CCDC171: variants seen among roughly 807,000 people sequenced by gnomAD.
CCDC171 encodes coiled-coil domain containing 171.
A neutral mutation model predicts 168.2 loss-of-function variants in CCDC171; 177 were observed. The observed-to-expected ratio is 1.05, with a 90% CI of 0.93 to 1.19. The LOEUF (loss-of-function observed/expected upper bound fraction) is 1.19. CCDC171 is among the 50% of genes most tolerant of loss of function. The pLI, the probability that CCDC171 is intolerant of heterozygous loss-of-function variation, is 0.00. For synonymous variants in CCDC171, 687 were observed against 540.8 expected (o/e 1.27, Z -3.75); for missense variants, 1,991 against 1,539.0 (o/e 1.29, Z -4.91).
At chr9:15,982,767 C>T (rs772631564) in intron 3 of CCDC171, among the ~76,000 whole-genome samples, 1 of 152,054 alleles carries the variant, frequency 6.6e-6, no homozygotes, top group Middle Eastern at 3.2e-3. Flanking sequence ...ACTTAATTTT[C>T]CAGTTTAAGA....
At chr9:15,631,069 G>A (rs554676915) in intron 7 of CCDC171, among the ~76,000 whole-genome samples, 47 of 151,936 alleles carry the variant, frequency 3.1e-4, no homozygotes, top group Middle Eastern at 3.4e-3. Context: ...AGAGAAAGCC[G>A]GAAAGATCCA....
intron 3 of CCDC171, among the ~76,000 whole-genome samples, chr9:15,986,312 T>C (rs1831985157): frequency 6.6e-6 from 1 of 152,236 alleles, no homozygotes. Flanking sequence ...TGTGAGTTCC[T>C]GAATTGATTC....
chr9:15,582,927 AT>A (rs1158460365), intron 4 of CCDC171, among the ~76,000 whole-genome samples: 2 of 149,850 alleles, frequency 1.3e-5, no homozygotes, highest in African/African-American at 5.0e-5. Context: ...AACTTAAAGT[AT>A]TAAAAAAAAA....
At position 15,768,079 on chromosome 9, in the gene CCDC171, T is replaced by C. The variant is rs561900418; in HGVS notation, c.2672-9521T>C. ...CCTTGTTGTCCCGAGCAGTCCCATG[T>C]ATAGCCAGGGCTTTATTTACCATCT... On this transcript the variant is annotated intron_variant, in intron 18 of 25. Transcript: ENST00000380701. 8.0e-5 allele frequency among the ~76,000 whole-genome samples: 12 copies of C among 150,584 alleles called. No individual in the cohort carries two copies. The South Asian group carries it at 2.3e-3, about 29-fold the overall frequency.
intron 6 of CCDC171, among the ~76,000 whole-genome samples, chr9:15,611,686 G>C (rs1166228918): frequency 6.6e-6 from 1 of 152,124 alleles, no homozygotes; most frequent in Non-Finnish European, 1.5e-5. Flanking sequence ...CCTCTAGTTT[G>C]TAAACTCCTT....
At chr9:15,810,218 G>A (rs1292991519) in intron 21 of CCDC171, among the ~76,000 whole-genome samples, 1 of 152,088 alleles carries the variant, frequency 6.6e-6, no homozygotes, top group African/African-American at 2.4e-5. Context: ...AGTGCTGATT[G>A]GTGCATCCAC....
At chr9:15,907,368 T>G (rs534910627) in intron 24 of CCDC171, among the ~76,000 whole-genome samples, 1 of 152,246 alleles carries the variant, frequency 6.6e-6, no homozygotes, top group African/African-American at 2.4e-5. Context: ...TCTACAACCA[T>G]CTGATCTTTG....
chr9:15,556,890 G>T (rs13302163), intron 1 of CCDC171, among the ~76,000 whole-genome samples: 8 of 152,024 alleles, frequency 5.3e-5, no homozygotes, highest in East Asian at 3.8e-4. Context: ...CATTTAAGTC[G>T]TTAATCCATC....
intron 3 of CCDC171, among the ~76,000 whole-genome samples, chr9:16,012,320 C>T (rs575340856): frequency 1.3e-4 from 20 of 152,146 alleles, no homozygotes; most frequent in Admixed American, 3.9e-4. Flanking sequence ...TATCTGGGCA[C>T]GGTTCTTCTA....
chr9:15,748,515 T>G (rs2055465884), intron 18 of CCDC171, among the ~76,000 whole-genome samples: 1 of 152,012 alleles, frequency 6.6e-6, no homozygotes, highest in Admixed American at 6.6e-5. Flanking sequence ...CCAAGACACA[T>G]AATCGATAGA....
chr9:15,808,830 A>G (rs1297899463), intron 21 of CCDC171, among the ~76,000 whole-genome samples: 3 of 150,262 alleles, frequency 2.0e-5, no homozygotes, highest in African/African-American at 7.4e-5. Context: ...CCAAAATACA[A>G]TAAACTGGAT....
At chr9:15,590,809 C>CTTTG in intron 4 of CCDC171, among the ~76,000 whole-genome samples, 1 of 140,258 alleles carries the variant, frequency 7.1e-6, no homozygotes, top group Non-Finnish European at 1.6e-5. Context: ...TTCTTTCTTT[C>CTTTG]TTTCTTTCTT....
intron 24 of CCDC171, among the ~76,000 whole-genome samples, chr9:15,877,222 T>C (rs1313882716): frequency 2.0e-5 from 3 of 151,806 alleles, no homozygotes; most frequent in Non-Finnish European, 4.4e-5. Context: ...ATGCTACTGA[T>C]CCCCGAGACT....
At position 15,971,720 on chromosome 9, in the gene CCDC171, T is replaced by TA. The variant is rs1389010135; in HGVS notation, c.3866dup (p.Tyr1289Ter). The TA allele has an allele frequency of 6.2e-7, 1 of 1,613,756 alleles. No homozygotes were observed. Among genetic ancestry groups the TA allele is most frequent in the Non-Finnish European group, 8.5e-7 (1 of 1,179,820 alleles). ...LPLKAELDTT[Y>*]TFLKETFINT... is the part of the protein sequence containing the mutation. ...ATTGAAAGCTGAACTTGATACTACT[T>TA]ACACTTTCTTAAAGGAGACATTTAT... Residue 1289 changes from tyrosine to a stop codon, truncating the protein, a stop_gained and frameshift_variant, in exon 26 of 26, where the codon TAC (tyrosine) becomes TAAC (stop). Transcript: ENST00000380701. LOFTEE classifies it high-confidence loss of function.
chr9:15,806,674 A>G (rs913268638), intron 21 of CCDC171, among the ~76,000 whole-genome samples: 3 of 151,858 alleles, frequency 2.0e-5, no homozygotes, highest in Non-Finnish European at 2.9e-5. Context: ...TTTCATTTCA[A>G]TCTTGGAAAA....
At chr9:16,064,572 G>T (rs1833971828), downstream of CCDC171, among the ~76,000 whole-genome samples, 1 of 152,154 alleles carries the variant, frequency 6.6e-6, no homozygotes, top group Non-Finnish European at 1.5e-5. Context: ...GTCAAGATCT[G>T]CCTGGTGAGC....
At chr9:15,634,356 A>T (rs563884116) in intron 7 of CCDC171, among the ~76,000 whole-genome samples, 2 of 152,198 alleles carry the variant, frequency 1.3e-5, no homozygotes, top group East Asian at 3.9e-4. Context: ...CTACAAAGGG[A>T]TATCTGCTAG....
chr9:15,806,233 A>C (rs1486967406), intron 21 of CCDC171, among the ~76,000 whole-genome samples: 1 of 152,016 alleles, frequency 6.6e-6, no homozygotes, highest in Non-Finnish European at 1.5e-5. Context: ...GCCCATTTAC[A>C]CTTAAGGTTA....
chr9:15,789,945 G>A (rs1472330167), intron 21 of CCDC171, among the ~76,000 whole-genome samples: 2 of 151,954 alleles, frequency 1.3e-5, no homozygotes, highest in African/African-American at 4.8e-5. Flanking sequence ...CCTTTTTTAT[G>A]GCTGCATAGT....
Sources: allele counts gnomAD v4.1 joint callset (sites outside exome capture counted in the v4.1 genomes callset), GRCh38; gene constraint gnomAD v4.1.1; transcripts MANE v1.5; gene names NCBI Gene and HGNC (gene_info 2026-07-23, HGNC 2026-07-21).